The following GRM7 variants were observed in gnomAD, a reference collection of about 807,000 sequenced individuals.
The protein encoded by GRM7 is glutamate metabotropic receptor 7, also known as metabotropic glutamate receptor 7.
GRM7 carries 35 observed loss-of-function variants against 84.5 expected under a neutral mutation model. The ratio of observed to expected loss-of-function variants is 0.41; its 90% CI spans 0.32 to 0.55. The LOEUF (loss-of-function observed/expected upper bound fraction) is 0.55. Among genes scored for constraint, GRM7 ranks in the 20% least tolerant of loss-of-function variants. The pLI, the probability that GRM7 is intolerant of heterozygous loss-of-function variation, is 0.19. For missense variants in GRM7, 1,003 were observed against 1,194.6 expected (o/e 0.84, Z 2.36); for synonymous variants, 487 against 455.1 (o/e 1.07, Z -0.89).
chr3:7,508,604 A>G (rs1700104349), intron 7 of GRM7, among the ~76,000 whole-genome samples: 1 of 152,288 alleles, frequency 6.6e-6, no homozygotes, highest in Admixed American at 6.5e-5. Flanking sequence ...AGTCTGGAAT[A>G]TATTCCCAAG....
chr3:7,297,077 G>C (rs555259611), intron 2 of GRM7, among the ~76,000 whole-genome samples: 1 of 152,060 alleles, frequency 6.6e-6, no homozygotes, highest in South Asian at 2.1e-4. Flanking sequence ...TTCTCTTAAA[G>C]TGAATGTTTA....
chr3:7,648,178 G>C (rs544025195), intron 8 of GRM7, among the ~76,000 whole-genome samples: 1 of 151,478 alleles, frequency 6.6e-6, no homozygotes, highest in South Asian at 2.1e-4. Context: ...AAAAGATTCT[G>C]AGAAAGAAAT....
intron 4 of GRM7, among the ~76,000 whole-genome samples, chr3:7,368,879 T>C (rs1694018571): frequency 8.8e-6 from 1 of 113,678 alleles, no homozygotes; most frequent in African/African-American, 3.5e-5. Context: ...TACAAACATG[T>C]TGAATTTTTA....
chr3:7,228,435 G>T (rs1295192177), intron 2 of GRM7, among the ~76,000 whole-genome samples: 2 of 152,174 alleles, frequency 1.3e-5, no homozygotes, highest in African/African-American at 4.8e-5. Context: ...ACAGGATTCA[G>T]GAATTTCAGA....
intron 7 of GRM7, among the ~76,000 whole-genome samples, chr3:7,559,765 G>T (rs769535749): frequency 6.6e-5 from 10 of 152,060 alleles, no homozygotes; most frequent in African/African-American, 2.2e-4. Context: ...ACCTCCGACT[G>T]GGTGACTTAA....
At chr3:7,280,687 A>T (rs1699223741) in intron 2 of GRM7, among the ~76,000 whole-genome samples, 1 of 152,258 alleles carries the variant, frequency 6.6e-6, no homozygotes, top group South Asian at 2.1e-4. Flanking sequence ...ACGTGTTTAC[A>T]ATCATAAAGT....
intron 2 of GRM7, among the ~76,000 whole-genome samples, chr3:7,224,458 T>G (rs989113821): frequency 6.6e-6 from 1 of 152,120 alleles, no homozygotes; most frequent in Non-Finnish European, 1.5e-5. Flanking sequence ...AACATGAGAT[T>G]TGGGTGGGGA....
At chr3:7,583,849 T>C (rs1185125283) in intron 8 of GRM7, among the ~76,000 whole-genome samples, 2 of 152,218 alleles carry the variant, frequency 1.3e-5, no homozygotes, top group African/African-American at 2.4e-5. Context: ...TTACAATGCG[T>C]GTACTGTGCC....
At chr3:7,074,046 AAG>A (rs1697978558) in intron 1 of GRM7, among the ~76,000 whole-genome samples, 1 of 152,220 alleles carries the variant, frequency 6.6e-6, no homozygotes, top group African/African-American at 2.4e-5. Context: ...ACATTATAGT[AAG>A]AGGATAAGAA....
At chr3:7,683,359 A>T (rs1263934626) in intron 9 of GRM7, among the ~76,000 whole-genome samples, 1 of 152,228 alleles carries the variant, frequency 6.6e-6, no homozygotes, top group African/African-American at 2.4e-5. Context: ...GTGTCTACAT[A>T]GAGCCAAGGT....
chr3:7,499,691 C>G (rs1161282511), intron 7 of GRM7, among the ~76,000 whole-genome samples: 6 of 151,976 alleles, frequency 3.9e-5, no homozygotes, highest in Admixed American at 3.9e-4. Flanking sequence ...CTCTTGAACA[C>G]TCCCAAGATA....
chr3:6,878,543 A>ATAAT (rs1695397399), intron 1 of GRM7, among the ~76,000 whole-genome samples: 2 of 150,388 alleles, frequency 1.3e-5, no homozygotes, highest in East Asian at 3.9e-4. Flanking sequence ...GATTAACATA[A>ATAAT]AATAATAATA....
At chr3:7,417,347 A>T (rs1696207761) in intron 5 of GRM7, among the ~76,000 whole-genome samples, 1 of 151,994 alleles carries the variant, frequency 6.6e-6, no homozygotes, top group Non-Finnish European at 1.5e-5. Flanking sequence ...TCTTCCACCT[A>T]TTGATATGGT....
chr3:7,504,665 A>G (rs1460565233), intron 7 of GRM7, among the ~76,000 whole-genome samples: 1 of 152,208 alleles, frequency 6.6e-6, no homozygotes, highest in Non-Finnish European at 1.5e-5. Context: ...CACTCCCACG[A>G]TAATGAATTC....
chr3:7,113,838 A>G (rs148875445), intron 1 of GRM7, among the ~76,000 whole-genome samples: 5 of 152,182 alleles, frequency 3.3e-5, no homozygotes, highest in South Asian at 2.1e-4. Flanking sequence ...GAAAATAGCA[A>G]TTGTCATTTG....
chr3:7,304,559 C>T (rs1488976639), intron 3 of GRM7, among the ~76,000 whole-genome samples: 3 of 151,536 alleles, frequency 2.0e-5, no homozygotes, highest in Non-Finnish European at 2.9e-5. Context: ...TTTCTCTGTA[C>T]GTTCTTTTTT....
At chr3:7,653,924 G>C (rs994396820) in intron 8 of GRM7, among the ~76,000 whole-genome samples, 4 of 152,168 alleles carry the variant, frequency 2.6e-5, no homozygotes, top group African/African-American at 4.8e-5. Context: ...TCTAAGACCA[G>C]TGCTGCTTCC....
At chr3:7,398,639 A>G (rs1198767308) in intron 4 of GRM7, among the ~76,000 whole-genome samples, 1 of 152,094 alleles carries the variant, frequency 6.6e-6, no homozygotes, top group Non-Finnish European at 1.5e-5. Flanking sequence ...ATATATGTAT[A>G]TATATGCATA....
chr3:6,994,616 A>C (rs944211385), intron 1 of GRM7, among the ~76,000 whole-genome samples: 4 of 152,204 alleles, frequency 2.6e-5, no homozygotes, highest in African/African-American at 9.6e-5. Context: ...TCAGATGTTT[A>C]TTCTGGACAT....
Sources: gnomAD v4.1 joint callset for allele counts (sites outside exome capture counted in the v4.1 genomes callset) on GRCh38, gnomAD v4.1.1 for gene constraint, MANE v1.5 for transcripts, NCBI Gene and HGNC (gene_info 2026-07-23, HGNC 2026-07-21) for gene names.